The following AKAP19 variants were observed in gnomAD, a reference collection of about 807,000 sequenced individuals.
The protein encoded by AKAP19 is A-kinase anchoring protein 19.
the AKAP19 span, among the ~76,000 whole-genome samples, chr2:189,925,985 G>C: frequency 6.6e-6 from 1 of 152,214 alleles, no homozygotes; most frequent in African/African-American, 2.4e-5. Context: ...GTCTCATGAA[G>C]TAATGATGGA....
At chr2:189,900,762 A>G in the AKAP19 span, among the ~76,000 whole-genome samples, 1 of 152,184 alleles carries the variant, frequency 6.6e-6, no homozygotes. Context: ...GTTCCAGATA[A>G]AGAAAGGCAG....
chr2:189,973,576 T>C, the AKAP19 span, among the ~76,000 whole-genome samples: 1 of 152,204 alleles, frequency 6.6e-6, no homozygotes, highest in Non-Finnish European at 1.5e-5. Flanking sequence ...TTCCTCCTTG[T>C]ACCTCTGGTA....
the AKAP19 span, among the ~76,000 whole-genome samples, chr2:190,007,777 A>G: frequency 2.0e-4 from 30 of 152,312 alleles, no homozygotes; most frequent in Non-Finnish European, 2.6e-4. Context: ...CCGGGGCAAC[A>G]TGGTGAAACC....
At chr2:190,135,686 T>C in the AKAP19 span, among the ~76,000 whole-genome samples, 1 of 152,302 alleles carries the variant, frequency 6.6e-6, no homozygotes, top group East Asian at 1.9e-4. Flanking sequence ...AGTTTCCTCA[T>C]TTGAAAAATA....
At chr2:190,053,792 T>C in the AKAP19 span, among the ~76,000 whole-genome samples, 1 of 152,298 alleles carries the variant, frequency 6.6e-6, no homozygotes, top group African/African-American at 2.4e-5. Flanking sequence ...TAGATTTCTA[T>C]TTGTATGTAA....
the AKAP19 span, among the ~76,000 whole-genome samples, chr2:190,034,243 A>T: frequency 6.6e-5 from 10 of 152,146 alleles, no homozygotes; most frequent in South Asian, 6.2e-4. Flanking sequence ...GTTTTTTCAC[A>T]TGCTTAGATG....
the AKAP19 span, among the ~76,000 whole-genome samples, chr2:190,024,799 T>G: frequency 6.6e-6 from 1 of 152,316 alleles, no homozygotes; most frequent in East Asian, 1.9e-4. Context: ...TTCTAACCTA[T>G]TCTATTGATG....
chr2:190,166,315 CTCTT>C, the AKAP19 span, among the ~76,000 whole-genome samples: 9 of 88,958 alleles, frequency 1.0e-4, no homozygotes, highest in Admixed American at 7.7e-4. Context: ...AAAAAATCCA[CTCTT>C]TTTTTTTTTT....
At chr2:190,057,771 G>A in the AKAP19 span, 10 of 898,534 alleles carry the variant, frequency 1.1e-5, no homozygotes, top group African/African-American at 5.0e-5. Context: ...AAAAGGCACA[G>A]CATTAAGGAA....
the AKAP19 span, among the ~76,000 whole-genome samples, chr2:189,982,787 C>T: frequency 6.6e-6 from 1 of 151,618 alleles, no homozygotes; most frequent in Non-Finnish European, 1.5e-5. Flanking sequence ...TCTGTAGGGG[C>T]TCTTTGGTTC....
chr2:190,158,021 G>A, the AKAP19 span, among the ~76,000 whole-genome samples: 7 of 152,192 alleles, frequency 4.6e-5, 1 homozygote, highest in Admixed American at 2.6e-4. Flanking sequence ...CTTAGAAACC[G>A]ATGTTATTCA....
the AKAP19 span, among the ~76,000 whole-genome samples, chr2:190,018,320 C>T: frequency 2.8e-3 from 431 of 152,054 alleles, 1 homozygote; most frequent in Non-Finnish European, 4.8e-3. Context: ...TTTCTGTAAA[C>T]TTTCTTCCTT....
chr2:189,981,273 C>CTTTTTTTTTTT, the AKAP19 span, among the ~76,000 whole-genome samples: 1 of 129,002 alleles, frequency 7.8e-6, no homozygotes. Context: ...CCTTCTTTGT[C>CTTTTTTTTTTT]TTTTTTTTTT....
the AKAP19 span, chr2:189,923,337 T>A: frequency 6.2e-7 from 1 of 1,610,604 alleles, no homozygotes; most frequent in Non-Finnish European, 8.5e-7. Context: ...TCAAACACAA[T>A]GGCCAGCAAC....
At chr2:190,043,122 A>G in the AKAP19 span, among the ~76,000 whole-genome samples, 26 of 151,856 alleles carry the variant, frequency 1.7e-4, no homozygotes, top group Non-Finnish European at 3.4e-4. Context: ...GCTGCCTTTA[A>G]CATTCTTTCT....
the AKAP19 span, among the ~76,000 whole-genome samples, chr2:190,166,640 A>C: frequency 6.6e-6 from 1 of 152,166 alleles, no homozygotes; most frequent in East Asian, 1.9e-4. Flanking sequence ...ATAAGTTATC[A>C]CATTAACAGA....
chr2:189,906,651 A>G, the AKAP19 span, among the ~76,000 whole-genome samples: 1 of 152,156 alleles, frequency 6.6e-6, no homozygotes, highest in Non-Finnish European at 1.5e-5. Flanking sequence ...ATTTTGTGTT[A>G]TTTTAACTAG....
chr2:189,941,007 GA>G, the AKAP19 span, among the ~76,000 whole-genome samples: 1 of 152,174 alleles, frequency 6.6e-6, no homozygotes, highest in Non-Finnish European at 1.5e-5. Flanking sequence ...AATAGCAAGA[GA>G]AAAGAAGAAT....
chr2:190,099,391 C>G, the AKAP19 span, among the ~76,000 whole-genome samples: 3 of 152,126 alleles, frequency 2.0e-5, no homozygotes, highest in Non-Finnish European at 2.9e-5. Context: ...AGGAGAGAGA[C>G]AGGGTAATGA....
Sources: gnomAD v4.1 joint callset for allele counts (sites outside exome capture counted in the v4.1 genomes callset) on GRCh38, gnomAD v4.1.1 for gene constraint, MANE v1.5 for transcripts, NCBI Gene and HGNC (gene_info 2026-07-23, HGNC 2026-07-21) for gene names.